HPS3: variants seen among roughly 807,000 people sequenced by gnomAD.
HPS3 encodes HPS3 biogenesis of lysosomal organelles complex 2 subunit 1.
Under a neutral mutation model 110.9 loss-of-function variants are expected in HPS3, and 79 were observed. That is an observed-to-expected ratio of 0.71 (90% CI 0.59 to 0.86). The LOEUF is 0.86. HPS3 is among the 40% of genes least tolerant of loss of function. The pLI is 0.00. For synonymous variants in HPS3, 428 were observed against 451.0 expected (o/e 0.95, Z 0.65); for missense variants, 1,197 against 1,206.2 (o/e 0.99, Z 0.11).
intron 5 of HPS3, among the ~76,000 whole-genome samples, chr3:149,147,873 C>A (rs1026850390): frequency 2.6e-5 from 4 of 152,122 alleles, no homozygotes; most frequent in Non-Finnish European, 5.9e-5. Context: ...AATCTCCACT[C>A]CTGTTTTTCA....
intron 6 of HPS3, 91 bp downstream of exon 6, chr3:149,150,771 A>C (rs1723055029): frequency 1.0e-6 from 1 of 977,804 alleles, no homozygotes; most frequent in African/African-American, 1.6e-5. Context: ...TAAGCTAGGC[A>C]AGAACAAAAG....
intron 10 of HPS3, 51 bp downstream of exon 10, chr3:149,158,897 A>G (rs1723622060): frequency 7.6e-7 from 1 of 1,317,156 alleles, no homozygotes; most frequent in Non-Finnish European, 1.1e-6. Flanking sequence ...TTTCATTTTA[A>G]TGGTTTATTT....
Position 149,129,665 on chromosome 3 carries a change from G to C in HPS3, c.-59G>C. On this transcript the variant is annotated 5_prime_UTR_variant, in exon 1 of 17. Transcript: ENST00000296051. ...AAGTAGTCCTACATTCGCGGTCAGC[G>C]CGGGGTCTCCGGGCGCCCTGCAGGG... is the stretch of plus-strand genomic sequence containing the variant. The C allele has an allele frequency of 2.2e-6, 3 of 1,333,816 alleles. No homozygotes were observed. The South Asian group carries it at 4.4e-5, about 20-fold the overall frequency. 82.6% of individuals were successfully genotyped at this position (1,333,816 alleles called of 1,614,324 possible). A position where few individuals can be genotyped will look rare whatever the true frequency, so the allele number is the denominator to read the frequency against.
chr3:149,169,873 A>G (rs1724803660), intron 16 of HPS3, among the ~76,000 whole-genome samples: 1 of 152,194 alleles, frequency 6.6e-6, no homozygotes, highest in South Asian at 2.1e-4. Flanking sequence ...GAAATTTTCA[A>G]CCTTTGACAA....
Position 149,153,816 on chromosome 3 carries a change from A to G in HPS3, c.1400+168A>G, listed in dbSNP as rs573121887. 1.2e-5 allele frequency: 8 copies of G among 661,530 alleles called. No homozygotes were observed. In the South Asian group the frequency reaches 1.5e-4, roughly 12 times the overall value. 41.0% of individuals were successfully genotyped at this position (661,530 alleles called of 1,614,324 possible). A position where few individuals can be genotyped will look rare whatever the true frequency, so the allele number is the denominator to read the frequency against. ...AGAAGGTTCTAACAATCTCTGTAAT[A>G]CACTTTATAACTGACCTGGAAACTT... On this transcript the variant is annotated intron_variant, in intron 7 of 16. Coordinates refer to ENST00000296051, the MANE Select transcript of HPS3 (RefSeq NM_032383.5).
chr3:149,134,668 G>A (rs4681169), intron 1 of HPS3, among the ~76,000 whole-genome samples: 55,917 of 151,968 alleles, frequency 0.37, 11,152 homozygotes, highest in African/African-American at 0.53. Context: ...TTTAATCAGG[G>A]TTGAGAACCG....
At chr3:149,138,878 T>C (rs1218447665) in intron 1 of HPS3, among the ~76,000 whole-genome samples, 1 of 152,208 alleles carries the variant, frequency 6.6e-6, no homozygotes, top group African/African-American at 2.4e-5. Flanking sequence ...GAGTCAGTGC[T>C]AGTGAGGATG....
chr3:149,130,120 T>G, intron 1 of HPS3, 180 bp downstream of exon 1: 1 of 625,024 alleles, frequency 1.6e-6, no homozygotes, highest in Non-Finnish European at 2.8e-6. Flanking sequence ...GCTATGCGGT[T>G]GTCGCGGCAA....
intron 14 of HPS3, among the ~76,000 whole-genome samples, chr3:149,165,352 G>A (rs1724308653): frequency 6.6e-6 from 1 of 152,120 alleles, no homozygotes; most frequent in Admixed American, 6.6e-5. Context: ...GTATAATTCA[G>A]TGATCTTTTA....
chr3:149,167,226 A>G lies in HPS3; in HGVS notation c.2782A>G (p.Lys928Glu), dbSNP rs1486438694. ...AVIPYANHEL[K>E]EENRTLWWKK... is the part of the protein sequence containing the mutation. ...CATTCCATATGCTAATCATGAACTG[A>G]AAGAAGAGAACCGGGTATGCTTTTT... Residue 928 changes from lysine to glutamate, a missense_variant, in exon 15 of 17, where the codon AAA becomes GAA. By Grantham distance (56) the Lys-to-Glu change is moderately conservative. Coordinates refer to ENST00000296051, the MANE Select transcript of HPS3 (RefSeq NM_032383.5). 6.2e-7 allele frequency: 1 copy of G among 1,613,014 alleles called. No individual in the cohort carries two copies. The highest frequency in any genetic ancestry group is 1.7e-5 in the Admixed American group (1 of 59,906).
Position 149,172,618 on chromosome 3 carries a change from GA to G in HPS3, c.*399del, listed in dbSNP as rs1369532640. On this transcript the variant is annotated 3_prime_UTR_variant, in exon 17 of 17. Transcript: ENST00000296051. Reference sequence around the variant, plus strand: ...AAGGAAACATTTTACAAGTATGCTTGAAAGAATGTCACTAACTGGTCCAGAA... The same window carrying G: ...AAGGAAACATTTTACAAGTATGCTTGAAGAATGTCACTAACTGGTCCAGAA... 6.3e-6 allele frequency: 1 copy of G among 158,340 alleles called. No homozygotes were observed. The highest frequency in any genetic ancestry group is 1.8e-4 in the East Asian group (1 of 5,554). The allele number at this position is 158,340 out of a possible 1,614,324, so 9.8% of individuals were successfully genotyped here.
chr3:149,155,632 C>T (rs182411449), intron 8 of HPS3, among the ~76,000 whole-genome samples: 4 of 152,300 alleles, frequency 2.6e-5, no homozygotes, highest in Admixed American at 2.0e-4. Flanking sequence ...ACAGCTACTG[C>T]AGCATTGTCC....
chr3:149,170,459 A>G (rs1049085202), intron 16 of HPS3: 2 of 152,184 alleles, frequency 1.3e-5, no homozygotes, highest in African/African-American at 4.8e-5. Flanking sequence ...GATGTGCATC[A>G]TTGTATTTTA....
chr3:149,135,601 C>G (rs1483954793), intron 1 of HPS3, among the ~76,000 whole-genome samples: 1 of 152,166 alleles, frequency 6.6e-6, no homozygotes, highest in Non-Finnish European at 1.5e-5. Context: ...TTCTTTATTA[C>G]CCAGTCTCAG....
At chr3:149,145,581 C>T (rs1301848449) in intron 5 of HPS3, 35 bp downstream of exon 5, 3 of 1,550,960 alleles carry the variant, frequency 1.9e-6, no homozygotes, top group African/African-American at 1.4e-5. Context: ...GCCTGTGAGT[C>T]ACTTATTTGT....
chr3:149,155,251 T>C (rs1723376076), intron 8 of HPS3, 36 bp downstream of exon 8: 2 of 1,117,672 alleles, frequency 1.8e-6, no homozygotes, highest in South Asian at 1.2e-5. Context: ...TGTTTGTAGA[T>C]ATTTAGAGTG....
chr3:149,140,193 C>T lies in HPS3; in HGVS notation c.407C>T (p.Pro136Leu), dbSNP rs774802486. 2.5e-6 allele frequency: 4 copies of T among 1,614,050 alleles called. No individual in the cohort carries two copies. The highest frequency in any genetic ancestry group is 1.3e-5 in the African/African-American group (1 of 74,922). The change falls in exon 2 of 17, where the codon CCC (proline) becomes CTC (leucine). Residue 136 changes from proline to leucine, a missense_variant. Coordinates refer to ENST00000296051, the MANE Select transcript of HPS3 (RefSeq NM_032383.5). ...ATTGAAATGCCGCTTTCGGAGGCCCCCTTGTGCATTTCCTGTTGCCCTGTG... is the reference window on the plus strand; with the variant it reads ...ATTGAAATGCCGCTTTCGGAGGCCCTCTTGTGCATTTCCTGTTGCCCTGTG... ...YIIEMPLSEA[P>L]LCISCCPVKG...
At chr3:149,166,905 C>T in intron 14 of HPS3, 129 bp from the exon 15 acceptor site, 1 of 745,176 alleles carries the variant, frequency 1.3e-6, no homozygotes, top group Non-Finnish European at 2.4e-6. Context: ...CGTGCATGTG[C>T]TCTAATATGG....
At chr3:149,142,299 G>A (rs1576668731) in intron 4 of HPS3, among the ~76,000 whole-genome samples, 1 of 152,218 alleles carries the variant, frequency 6.6e-6, no homozygotes, top group East Asian at 1.9e-4. Flanking sequence ...TTAGAGCCAA[G>A]GTATGTGTGG....
Sources: allele counts gnomAD v4.1 joint callset (sites outside exome capture counted in the v4.1 genomes callset), GRCh38; gene constraint gnomAD v4.1.1; transcripts MANE v1.5; gene names NCBI Gene and HGNC (gene_info 2026-07-23, HGNC 2026-07-21).